Variants in KHDRBS2 observed in about 807,000 individuals in gnomAD.
The protein encoded by KHDRBS2 is KH domain-containing, RNA-binding, signal transduction-associated protein 2.
A neutral mutation model predicts 44.3 loss-of-function variants in KHDRBS2; 26 were observed. The observed-to-expected ratio is 0.59, with a 90% CI of 0.43 to 0.81. The LOEUF is 0.81. KHDRBS2 is among the 40% of genes least tolerant of loss of function. The pLI, the probability that KHDRBS2 is intolerant of heterozygous loss-of-function variation, is 0.00. For missense variants in KHDRBS2, 476 were observed against 433.1 expected (o/e 1.10, Z -0.88); for synonymous variants, 194 against 151.1 (o/e 1.28, Z -2.08).
intron 8 of KHDRBS2, among the ~76,000 whole-genome samples, chr6:61,685,982 C>T (rs545432023): frequency 6.6e-6 from 1 of 151,728 alleles, no homozygotes; most frequent in South Asian, 2.1e-4. Context: ...GGAAAGCAAA[C>T]TTTTAATGTT....
chr6:61,868,735 C>A (rs983156970), intron 6 of KHDRBS2, among the ~76,000 whole-genome samples: 4 of 152,174 alleles, frequency 2.6e-5, no homozygotes, highest in Non-Finnish European at 5.9e-5. Context: ...ACCCCTCCCC[C>A]ACCAAGGAGT....
At chr6:62,232,211 G>C (rs141734209) in intron 1 of KHDRBS2, among the ~76,000 whole-genome samples, 104 of 152,236 alleles carry the variant, frequency 6.8e-4, no homozygotes, top group African/African-American at 2.4e-3. Context: ...ATGATATTAT[G>C]TTAGGTATCT....
intron 6 of KHDRBS2, among the ~76,000 whole-genome samples, chr6:61,877,155 C>A (rs1799535108): frequency 6.6e-6 from 1 of 151,960 alleles, no homozygotes; most frequent in African/African-American, 2.4e-5. Flanking sequence ...TACTATCTGG[C>A]CTTTTATTTA....
At chr6:61,678,297 A>G (rs1766059015), downstream of KHDRBS2, among the ~76,000 whole-genome samples, 1 of 151,974 alleles carries the variant, frequency 6.6e-6, no homozygotes, top group Non-Finnish European at 1.5e-5. Context: ...AAAGTTTTCA[A>G]CTTCTCGTGT....
At chr6:62,219,936 A>T (rs1238590344) in intron 1 of KHDRBS2, among the ~76,000 whole-genome samples, 1 of 146,874 alleles carries the variant, frequency 6.8e-6, no homozygotes, top group Non-Finnish European at 1.5e-5. Context: ...TATATATATT[A>T]ATAGTATATA....
the KHDRBS2 span, among the ~76,000 whole-genome samples, chr6:61,543,391 T>C: frequency 6.6e-6 from 1 of 151,840 alleles, no homozygotes; most frequent in Admixed American, 6.6e-5. Flanking sequence ...AAAAATGCAA[T>C]GAAATATCAT....
intron 1 of KHDRBS2, among the ~76,000 whole-genome samples, chr6:62,232,807 C>T (rs1276466714): frequency 1.3e-5 from 2 of 152,094 alleles, no homozygotes; most frequent in Non-Finnish European, 2.9e-5. Context: ...CTCAAAATGG[C>T]TTCAAAATGG....
chr6:62,194,457 CTTTCT>C (rs139534888), intron 1 of KHDRBS2, among the ~76,000 whole-genome samples: 3,562 of 127,504 alleles, frequency 0.028, 154 homozygotes, highest in African/African-American at 0.097. Flanking sequence ...CCACACTACA[CTTTCT>C]TTTCTTTTCT....
intron 6 of KHDRBS2, among the ~76,000 whole-genome samples, chr6:61,743,894 C>CT (rs983275197): frequency 6.7e-6 from 1 of 149,410 alleles, no homozygotes; most frequent in Non-Finnish European, 1.5e-5. Context: ...GTTTTTTGTC[C>CT]TTGCGATAGT....
chr6:61,779,621 C>T (rs1782623250), intron 6 of KHDRBS2, among the ~76,000 whole-genome samples: 1 of 151,322 alleles, frequency 6.6e-6, no homozygotes, highest in South Asian at 2.1e-4. Flanking sequence ...TTTGAACCAC[C>T]CAACCAAAAA....
intron 2 of KHDRBS2, among the ~76,000 whole-genome samples, chr6:62,130,621 A>T (rs1810075070): frequency 6.6e-6 from 1 of 152,010 alleles, no homozygotes; most frequent in South Asian, 2.1e-4. Context: ...AATAATATAT[A>T]GATGCTCCTC....
At chr6:62,166,407 T>G (rs977439571) in intron 2 of KHDRBS2, among the ~76,000 whole-genome samples, 5 of 152,060 alleles carry the variant, frequency 3.3e-5, no homozygotes, top group Non-Finnish European at 5.9e-5. Context: ...AAGAAGGTTC[T>G]TTATAAAATG....
intron 4 of KHDRBS2, 146 bp from the exon 5 acceptor site, chr6:61,901,517 T>C (rs1308541727): frequency 1.6e-6 from 1 of 638,170 alleles, no homozygotes; most frequent in Non-Finnish European, 2.6e-6. Context: ...AAATATAAAA[T>C]GATATTAAAA....
At chr6:62,141,175 G>A (rs9363866) in intron 2 of KHDRBS2, among the ~76,000 whole-genome samples, 74,649 of 151,900 alleles carry the variant, frequency 0.49, 18,630 homozygotes, top group Non-Finnish European at 0.52. Context: ...TAATGGCAGT[G>A]TAAAAGTGAA....
intron 6 of KHDRBS2, among the ~76,000 whole-genome samples, chr6:61,749,963 T>C (rs1388575675): frequency 2.6e-5 from 4 of 152,286 alleles, no homozygotes; most frequent in Non-Finnish European, 5.9e-5. Context: ...TCTTATAAAC[T>C]AGTAGAATGA....
the KHDRBS2 span, among the ~76,000 whole-genome samples, chr6:61,637,766 G>A: frequency 5.3e-5 from 8 of 152,162 alleles, no homozygotes; most frequent in Non-Finnish European, 7.4e-5. Flanking sequence ...GTTTTGATTT[G>A]CATTTCTCTG....
At chr6:61,706,946 A>ACAAAT (rs1265074032) in intron 7 of KHDRBS2, among the ~76,000 whole-genome samples, 1 of 151,268 alleles carries the variant, frequency 6.6e-6, no homozygotes, top group Non-Finnish European at 1.5e-5. Flanking sequence ...AAAAACAAAA[A>ACAAAT]CAAAAACAAA....
At chr6:61,610,891 ACTTAATAATAC>A in the KHDRBS2 span, among the ~76,000 whole-genome samples, 1 of 152,138 alleles carries the variant, frequency 6.6e-6, no homozygotes, top group African/African-American at 2.4e-5. Flanking sequence ...CACTCTTATA[ACTTAATAATAC>A]CTATTAACAT....
At chr6:61,737,440 T>C (rs1582505194) in intron 6 of KHDRBS2, among the ~76,000 whole-genome samples, 1 of 152,166 alleles carries the variant, frequency 6.6e-6, no homozygotes, top group African/African-American at 2.4e-5. Context: ...TATGTATGTA[T>C]GTAAACGTAT....
Sources: gnomAD v4.1 joint callset for allele counts (sites outside exome capture counted in the v4.1 genomes callset) on GRCh38, gnomAD v4.1.1 for gene constraint, MANE v1.5 for transcripts, NCBI Gene and HGNC (gene_info 2026-07-23, HGNC 2026-07-21) for gene names.